ALG1L2: variants seen among roughly 807,000 people sequenced by gnomAD.
ALG1L2 encodes ALG1 chitobiosyldiphosphodolichol beta-mannosyltransferase like 2.
A neutral mutation model predicts 29.0 loss-of-function variants in ALG1L2; 32 were observed. The ratio of observed to expected loss-of-function variants is 1.10; its 90% CI spans 0.83 to 1.48. The LOEUF is 1.48. ALG1L2 is among the 40% of genes most tolerant of loss of function. The pLI is 0.00. For missense variants in ALG1L2, 318 were observed against 274.1 expected (o/e 1.16, Z -1.13); for synonymous variants, 110 against 109.5 (o/e 1.00, Z -0.03).
intron 6 of ALG1L2, 61 bp downstream of exon 6, chr3:130,096,224 A>G (rs1296358006): frequency 2.5e-6 from 4 of 1,573,810 alleles, no homozygotes; most frequent in East Asian, 4.6e-5. Flanking sequence ...CTGAGGGGGA[A>G]GCAGTGCAGA....
At chr3:130,095,954 C>G in intron 5 of ALG1L2, 95 bp from the exon 6 acceptor site, 3 of 1,354,724 alleles carry the variant, frequency 2.2e-6, no homozygotes, top group Non-Finnish European at 3.1e-6. Context: ...ATCCAATTTT[C>G]ACTCCCCTCG....
rs554339560 is a variant in ALG1L2 at position 130,088,852 on chromosome 3, C to A, written c.21-2409C>A. 6.7e-4 allele frequency among the ~76,000 whole-genome samples: 102 copies of A among 152,406 alleles called. No homozygotes were observed. The South Asian group carries it at 0.02, about 30-fold the overall frequency. ...CCCCAGTCATGTGGCTCTGTGAGTC[C>A]ATTAAACCTCTTTTTCTTTATAAAT... On this transcript the variant is annotated intron_variant, in intron 1 of 7. Coordinates refer to ENST00000425059, the MANE Select transcript of ALG1L2 (RefSeq NM_001136152.1).
chr3:130,083,380 G>A (rs1934827434), intron 1 of ALG1L2, among the ~76,000 whole-genome samples: 1 of 129,080 alleles, frequency 7.7e-6, no homozygotes, highest in East Asian at 2.1e-4. Flanking sequence ...GGAGGCAGAG[G>A]TTGCAGTGAG....
chr3:130,096,517 G>A (rs1364034590), intron 6 of ALG1L2, among the ~76,000 whole-genome samples: 5 of 151,686 alleles, frequency 3.3e-5, no homozygotes, highest in South Asian at 2.1e-4. Context: ...GGCGGGAATT[G>A]CCTGCAGGCT....
intron 1 of ALG1L2, among the ~76,000 whole-genome samples, chr3:130,085,307 G>T (rs1934866839): frequency 6.7e-6 from 1 of 149,940 alleles, no homozygotes; most frequent in Non-Finnish European, 1.5e-5. Flanking sequence ...ATGTTGGCCA[G>T]GTTGGTCTTG....
intron 3 of ALG1L2, among the ~76,000 whole-genome samples, chr3:130,092,494 G>T (rs556309050): frequency 2.6e-5 from 4 of 152,350 alleles, no homozygotes; most frequent in African/African-American, 9.6e-5. Context: ...GGGCCACTGA[G>T]CTGTGAGCTG....
At chr3:130,085,911 G>A (rs1249782143) in intron 1 of ALG1L2, among the ~76,000 whole-genome samples, 1 of 151,440 alleles carries the variant, frequency 6.6e-6, no homozygotes, top group Admixed American at 6.6e-5. Flanking sequence ...AATACAAGAA[G>A]GAGAGGGAAC....
At chr3:130,093,565 T>A (rs1198186206) in intron 4 of ALG1L2, among the ~76,000 whole-genome samples, 1 of 151,832 alleles carries the variant, frequency 6.6e-6, no homozygotes, top group African/African-American at 2.4e-5. Flanking sequence ...TAGCTGGGAC[T>A]AAAAGTGCCC....
intron 4 of ALG1L2, chr3:130,094,176 T>G: frequency 1.8e-6 from 1 of 569,838 alleles, no homozygotes; most frequent in Non-Finnish European, 3.1e-6. Context: ...CGAGGCCAGC[T>G]GGTTGCAGGT....
chr3:130,089,103 A>T (rs981360920), intron 1 of ALG1L2, among the ~76,000 whole-genome samples: 31 of 152,258 alleles, frequency 2.0e-4, no homozygotes, highest in Non-Finnish European at 4.3e-4. Flanking sequence ...GGCCCTTCAT[A>T]GGACGAAATT....
chr3:130,091,900 G>A, intron 2 of ALG1L2: 1 of 831,982 alleles, frequency 1.2e-6, no homozygotes, highest in Non-Finnish European at 2.0e-6. Context: ...AGTCTTGTTT[G>A]CTGTTGTAAC....
intron 1 of ALG1L2, among the ~76,000 whole-genome samples, chr3:130,083,253 G>C (rs1934824906): frequency 7.0e-6 from 1 of 142,348 alleles, no homozygotes; most frequent in Admixed American, 7.3e-5. Context: ...AGACCAGCCT[G>C]GCCAACATGG....
chr3:130,094,637 C>T (rs760393720), intron 5 of ALG1L2, 124 bp downstream of exon 5: 13 of 1,088,568 alleles, frequency 1.2e-5, no homozygotes, highest in Non-Finnish European at 1.7e-5. Flanking sequence ...GACCTGGGCT[C>T]TAGCTGAACT....
chr3:130,086,526 A>C (rs1934893492), intron 1 of ALG1L2, among the ~76,000 whole-genome samples: 1 of 149,832 alleles, frequency 6.7e-6, no homozygotes, highest in Admixed American at 6.7e-5. Context: ...AAATAAAATA[A>C]ATTAGCCAGG....
At chr3:130,096,947 T>C (rs558836011) in intron 6 of ALG1L2, among the ~76,000 whole-genome samples, 131 of 152,278 alleles carry the variant, frequency 8.6e-4, no homozygotes, top group African/African-American at 2.3e-3. Flanking sequence ...GGTACAAACC[T>C]TCCTTAAGGC....
In ALG1L2 at chr3:130,096,467, A is replaced by C. The variant is rs564624726; in HGVS notation, c.539+304A>C. The stretch of plus-strand genomic sequence containing the variant: ...TGAAAAAAAAAAAGCACCTTAAATA[A>C]CAGAACTTCACTCGGGGCTTTTGCT... On this transcript the variant is annotated intron_variant, in intron 6 of 7. Transcript: ENST00000425059. 6.6e-5 allele frequency among the ~76,000 whole-genome samples: 10 copies of C among 151,888 alleles called. No individual in the cohort carries two copies. The East Asian group carries it at 9.7e-4, about 15-fold the overall frequency.
intron 1 of ALG1L2, among the ~76,000 whole-genome samples, chr3:130,088,739 G>T (rs1037315072): frequency 3.4e-5 from 5 of 145,760 alleles, no homozygotes; most frequent in East Asian, 1.9e-4. Context: ...TTTTATAAAG[G>T]GGAGCTCCCC....
chr3:130,091,886 A>G, intron 2 of ALG1L2: 3 of 795,196 alleles, frequency 3.8e-6, no homozygotes, highest in Non-Finnish European at 6.3e-6. Flanking sequence ...AAAAGGAATT[A>G]GTCAGTCTTG....
In ALG1L2 at chr3:130,081,883, A is replaced by C; in HGVS notation, c.-134A>C. On this transcript the variant is annotated 5_prime_UTR_variant, in exon 1 of 8. Transcript: ENST00000425059. ...GGTGGAAATCACCCTCAAGTAGCAGAGACAGGTGTGCAAAGGCTCAGAGGG... is the reference window on the plus strand; with the variant it reads ...GGTGGAAATCACCCTCAAGTAGCAGCGACAGGTGTGCAAAGGCTCAGAGGG... 1.7e-6 allele frequency: 2 copies of C among 1,185,116 alleles called. No homozygotes were observed. The highest frequency in any genetic ancestry group is 1.3e-5 in the South Asian group (1 of 74,410). The allele number at this position is 1,185,116 out of a possible 1,614,324, so 73.4% of individuals were successfully genotyped here.
Sources: gnomAD v4.1 joint callset for allele counts (sites outside exome capture counted in the v4.1 genomes callset) on GRCh38, gnomAD v4.1.1 for gene constraint, MANE v1.5 for transcripts, NCBI Gene and HGNC (gene_info 2026-07-23, HGNC 2026-07-21) for gene names.